The following FEZ2 variants were observed in gnomAD, a reference collection of about 807,000 sequenced individuals.
FEZ2 encodes the protein fasciculation and elongation protein zeta 2.
FEZ2 carries 51 observed loss-of-function variants against 40.4 expected under a neutral mutation model. The ratio of observed to expected loss-of-function variants is 1.26; its 90% CI spans 1.01 to 1.59. The LOEUF is 1.59. Among genes scored for constraint, FEZ2 ranks in the 40% most tolerant of loss-of-function variants. The pLI is 0.00. For synonymous variants in FEZ2, 242 were observed against 172.0 expected (o/e 1.41, Z -3.18); for missense variants, 640 against 438.3 (o/e 1.46, Z -4.11).
At chr2:36,594,462 G>T (rs1170379451) in intron 1 of FEZ2, 1 of 203,376 alleles carries the variant, frequency 4.9e-6, no homozygotes, top group Non-Finnish European at 9.6e-6. Flanking sequence ...GAGGCAAAAG[G>T]CACTTCTTAC....
intron 3 of FEZ2, 32 bp downstream of exon 3, chr2:36,583,320 CT>C (rs748229400): frequency 0.025 from 29,231 of 1,148,820 alleles, 704 homozygotes; most frequent in South Asian, 0.091. Flanking sequence ...CTAGAGTCTC[CT>C]TTCCTTGCGT....
At chr2:36,556,362 A>C (rs1303072344) in intron 6 of FEZ2, 1 of 157,618 alleles carries the variant, frequency 6.3e-6, no homozygotes, top group Non-Finnish European at 1.4e-5. Context: ...CTTCTAAGTA[A>C]AAACTAAAAT....
rs148344695 is a variant in FEZ2 at position 36,566,598 on chromosome 2, C to T, written c.904-8085G>A. Among the ~76,000 whole-genome samples, 314 of 152,324 alleles carry T rather than the reference C, an allele frequency of 2.1e-3. 1 individual carries two copies. The highest frequency in any genetic ancestry group is 7.4e-3 in the African/African-American group (308 of 41,582). On this transcript the variant is annotated intron_variant, in intron 5 of 7. Transcript: ENST00000405912. ...CAGTGACTTAACCTGCAAAACGCTACAGCGATCATTACCAATACCAGTGGG... is the reference window on the plus strand; with the variant it reads ...CAGTGACTTAACCTGCAAAACGCTATAGCGATCATTACCAATACCAGTGGG...
At chr2:36,581,633 A>C (rs571819356) in intron 3 of FEZ2, 5 of 547,180 alleles carry the variant, frequency 9.1e-6, no homozygotes, top group Middle Eastern at 2.7e-4. Flanking sequence ...ATTACAATAT[A>C]CTAAACACAA....
chr2:36,595,198 C>A (rs1669180570), intron 1 of FEZ2, among the ~76,000 whole-genome samples: 2 of 152,020 alleles, frequency 1.3e-5, no homozygotes, highest in African/African-American at 4.8e-5. Flanking sequence ...TCGGGGAGGG[C>A]TTTGGGGTGA....
intron 5 of FEZ2, among the ~76,000 whole-genome samples, chr2:36,565,492 C>A (rs576866973): frequency 9.9e-5 from 15 of 152,238 alleles, no homozygotes; most frequent in African/African-American, 3.1e-4. Flanking sequence ...CCATAATGAG[C>A]AGCCTGCATT....
At chr2:36,573,777 AAAG>A (rs1319877734) in intron 5 of FEZ2, among the ~76,000 whole-genome samples, 1 of 152,264 alleles carries the variant, frequency 6.6e-6, no homozygotes, top group African/African-American at 2.4e-5. Flanking sequence ...GCAACTCATA[AAAG>A]AATACAAATG....
intron 1 of FEZ2, 44 bp downstream of exon 1, chr2:36,597,833 T>C (rs1669277122): frequency 1.5e-6 from 2 of 1,308,990 alleles, no homozygotes; most frequent in East Asian, 3.1e-5. Flanking sequence ...GGGCGAGGGG[T>C]AGGGGAGGCT....
intron 7 of FEZ2, 137 bp from the exon 8 acceptor site, chr2:36,553,316 T>G: frequency 1.5e-6 from 1 of 675,070 alleles, no homozygotes; most frequent in East Asian, 2.8e-5. Flanking sequence ...TGTAGCAATT[T>G]TTTAAAGGTT....
At chr2:36,580,588 C>A (rs1025293338) in intron 4 of FEZ2, among the ~76,000 whole-genome samples, 3 of 152,176 alleles carry the variant, frequency 2.0e-5, no homozygotes, top group Non-Finnish European at 4.4e-5. Flanking sequence ...TCAAACAGAT[C>A]CATGGTTCCC....
chr2:36,553,705 A>G (rs1230657269), intron 7 of FEZ2, among the ~76,000 whole-genome samples: 1 of 152,156 alleles, frequency 6.6e-6, no homozygotes, highest in Non-Finnish European at 1.5e-5. Context: ...TCTCAGGCCA[A>G]ATGAGACCAC....
At position 36,598,088 on chromosome 2, in the gene FEZ2, T is replaced by C; in HGVS notation, c.55A>G (p.Ser19Gly). ...TTACAGTTCTCCTGGTCCAGGAGGCTCCGGGCCGGCTCCTGGAACTCATAG... is the reference window on the plus strand; with the variant it reads ...TTACAGTTCTCCTGGTCCAGGAGGCCCCGGGCCGGCTCCTGGAACTCATAG... ...DFYEFQEPAR[S>G]LLDQENCNAS... The change falls in exon 1 of 8, where the codon AGC (serine) becomes GGC (glycine). Residue 19 changes from serine to glycine, a missense_variant. Ser to Gly is a moderately conservative substitution (Grantham distance 56). Transcript: ENST00000405912. 2.0e-6 allele frequency: 3 copies of C among 1,486,030 alleles called. No individual in the cohort carries two copies. The highest frequency in any genetic ancestry group is 2.7e-6 in the Non-Finnish European group (3 of 1,127,912). 92.1% of individuals were successfully genotyped at this position (1,486,030 alleles called of 1,614,324 possible).
intron 2 of FEZ2, among the ~76,000 whole-genome samples, chr2:36,584,504 T>A (rs777898166): frequency 9.9e-5 from 15 of 152,214 alleles, no homozygotes; most frequent in Non-Finnish European, 1.6e-4. Flanking sequence ...AGGGAACATC[T>A]GTCTATCATC....
intron 5 of FEZ2, among the ~76,000 whole-genome samples, chr2:36,567,043 G>A (rs1053021165): frequency 3.9e-5 from 6 of 152,138 alleles, no homozygotes; most frequent in African/African-American, 1.4e-4. Flanking sequence ...AGAGTCCAGT[G>A]GCTTCATTTT....
intron 4 of FEZ2, among the ~76,000 whole-genome samples, chr2:36,580,684 T>A (rs182800999): frequency 3.9e-5 from 6 of 152,332 alleles, no homozygotes; most frequent in Admixed American, 3.3e-4. Context: ...ATTCTACACT[T>A]CAAATATGAT....
At chr2:36,576,106 G>C (rs1308438197) in intron 5 of FEZ2, among the ~76,000 whole-genome samples, 1 of 152,132 alleles carries the variant, frequency 6.6e-6, no homozygotes, top group Admixed American at 6.5e-5. Flanking sequence ...GACTGCATGT[G>C]ATATAAAATG....
chr2:36,596,049 A>T (rs1185820108), intron 1 of FEZ2, among the ~76,000 whole-genome samples: 1 of 152,246 alleles, frequency 6.6e-6, no homozygotes, highest in African/African-American at 2.4e-5. Flanking sequence ...GATTCAGAGT[A>T]TCTAAATCTA....
chr2:36,555,739 G>A lies in FEZ2; in HGVS notation c.989C>T (p.Ala330Val). ...AACTTTTTCACTGTCCTCCTTCATG[G>A]CACGAAGAACTGCAAAATAGAAGAG... is the stretch of plus-strand genomic sequence containing the variant. Reference protein sequence around the residue: ...DLQILTKILRAMKEDSEKVPS... With the variant: ...DLQILTKILRVMKEDSEKVPS... The change falls in exon 7 of 8, where the codon GCC (alanine) becomes GTC (valine). Residue 330 changes from alanine (A) to valine (V), a missense_variant. Physicochemically the swap from Ala to Val is moderately conservative, Grantham distance 64 (BLOSUM62 0). Coordinates refer to ENST00000405912, the MANE Select transcript of FEZ2 (RefSeq NM_005102.3). The A allele has an allele frequency of 6.3e-7, 1 of 1,578,498 alleles. No homozygotes were observed. The highest frequency in any genetic ancestry group is 8.6e-7 in the Non-Finnish European group (1 of 1,162,092).
At chr2:36,566,191 T>A (rs1457287268) in intron 5 of FEZ2, among the ~76,000 whole-genome samples, 1 of 152,052 alleles carries the variant, frequency 6.6e-6, no homozygotes, top group Non-Finnish European at 1.5e-5. Flanking sequence ...ATACAAAAAA[T>A]TCGCCAGGCA....
Sources: gnomAD v4.1 joint callset for allele counts (sites outside exome capture counted in the v4.1 genomes callset) on GRCh38, gnomAD v4.1.1 for gene constraint, MANE v1.5 for transcripts, NCBI Gene and HGNC (gene_info 2026-07-23, HGNC 2026-07-21) for gene names.